Variants in TNS1 observed in about 807,000 individuals in gnomAD.
The protein encoded by TNS1 is tensin-1.
In TNS1, 62 loss-of-function variants were observed where a neutral mutation model predicts 168.6. The ratio of observed to expected loss-of-function variants is 0.37; its 90% CI spans 0.30 to 0.45. The LOEUF is 0.45. Ranked by LOEUF, TNS1 falls within the 20% of genes least tolerant of loss-of-function variation. The probability of loss-of-function intolerance (pLI) is 1.00; values close to 1 mark genes in which losing one functional copy is unlikely to be tolerated. For missense variants in TNS1, 2,240 were observed against 2,339.4 expected, an observed-to-expected ratio of 0.96 and a Z score of 0.88; for synonymous variants, 934 against 933.2, an observed-to-expected ratio of 1.00 and a Z score of -0.02.
intron 6 of TNS1, chr2:217,905,409 C>A (rs1409470623): frequency 2.2e-6 from 1 of 444,866 alleles, no homozygotes; most frequent in Non-Finnish European, 4.5e-6. Flanking sequence ...TGCAGGGCTG[C>A]CCCAGGGCAA....
intron 18 of TNS1, among the ~76,000 whole-genome samples, chr2:217,878,768 C>A (rs865898710): frequency 6.6e-6 from 1 of 152,202 alleles, no homozygotes; most frequent in Non-Finnish European, 1.5e-5. Context: ...AAGGACAGTA[C>A]CTTGTCAAAG....
chr2:217,849,605 T>C, intron 18 of TNS1: 4 of 969,752 alleles, frequency 4.1e-6, no homozygotes, highest in South Asian at 4.8e-5. Flanking sequence ...ATTATGAGTA[T>C]CATTAATTCC....
intron 2 of TNS1, among the ~76,000 whole-genome samples, chr2:217,980,358 T>C (rs996397221): frequency 2.0e-5 from 3 of 151,948 alleles, no homozygotes; most frequent in Non-Finnish European, 2.9e-5. Context: ...GGGTAGCAAC[T>C]CCCTCACTTC....
intron 1 of TNS1, among the ~76,000 whole-genome samples, chr2:218,019,778 T>C (rs1958791834): frequency 6.6e-6 from 1 of 152,196 alleles, no homozygotes; most frequent in African/African-American, 2.4e-5. Context: ...TGTCCTGTTC[T>C]CTGACTTCAC....
At position 217,948,381 on chromosome 2, in the gene TNS1, G is replaced by A. The variant is rs1042426680; in HGVS notation, c.187-28145C>T. On this transcript the variant is annotated intron_variant, in intron 3 of 32. Coordinates refer to ENST00000682258, the MANE Select transcript of TNS1 (RefSeq NM_001387777.1). The surrounding 1 kb of genome is among the most constrained non-coding windows in gnomAD (Gnocchi z 4.1). ...AGGTCCCAAGGGGAGAGGCCACTGGGGCACCGCTCTGCTTCCTTCCCAAGA... is the reference window on the plus strand; with the variant it reads ...AGGTCCCAAGGGGAGAGGCCACTGGAGCACCGCTCTGCTTCCTTCCCAAGA... 7.2e-5 allele frequency among the ~76,000 whole-genome samples: 11 copies of A among 152,170 alleles called. No individual in the cohort carries two copies. The highest frequency in any genetic ancestry group is 1.2e-4 in the Non-Finnish European group (8 of 68,022).
At chr2:217,893,149 G>T in intron 10 of TNS1, 137 bp from the exon 11 acceptor site, 1 of 1,104,674 alleles carries the variant, frequency 9.1e-7, no homozygotes, top group Non-Finnish European at 1.3e-6. Flanking sequence ...TAAGGAGGAA[G>T]GGGGCCTCAG....
chr2:217,809,247 G>A (rs1401063458), intron 30 of TNS1, among the ~76,000 whole-genome samples: 18 of 70,148 alleles, frequency 2.6e-4, no homozygotes, highest in African/African-American at 4.2e-4. Context: ...ATGGATGGAT[G>A]GATGCATGGA....
At chr2:217,873,356 G>A (rs995143750) in intron 18 of TNS1, among the ~76,000 whole-genome samples, 5 of 151,994 alleles carry the variant, frequency 3.3e-5, no homozygotes, top group Non-Finnish European at 7.4e-5. Context: ...GGTGTTTGGT[G>A]GCAGGTCCCA....
At chr2:217,989,768 CTCCCAG>C (rs1048361015) in intron 2 of TNS1, among the ~76,000 whole-genome samples, 3 of 152,092 alleles carry the variant, frequency 2.0e-5, no homozygotes, top group Non-Finnish European at 4.4e-5. Context: ...CTTTGCAGAA[CTCCCAG>C]TGCCAAGCAC....
In TNS1 at chr2:217,858,473, C is replaced by T. The variant is rs752926570; in HGVS notation, c.1430-9386G>A. On this transcript the variant is annotated intron_variant, in intron 18 of 32. Coordinates refer to ENST00000682258, the MANE Select transcript of TNS1 (RefSeq NM_001387777.1). ...ACAAGAACACTCACAGGCAAAACAA[C>T]TGCCCAGCAGACACTTACCCTCTGG... is the stretch of plus-strand genomic sequence containing the variant. The T allele has an allele frequency of 6.1e-6, 6 of 976,100 alleles. No individual in the cohort carries two copies. The South Asian group carries it at 2.8e-4, about 46-fold the overall frequency. 60.5% of individuals were successfully genotyped at this position (976,100 alleles called of 1,614,324 possible).
chr2:218,020,377 G>A (rs535330996), intron 1 of TNS1, among the ~76,000 whole-genome samples: 90 of 152,008 alleles, frequency 5.9e-4, no homozygotes, highest in Non-Finnish European at 1.0e-3. Flanking sequence ...TTGCAGTCCC[G>A]TCCCTAGGAT....
chr2:217,964,005 C>T (rs2126010252), intron 3 of TNS1, among the ~76,000 whole-genome samples: 1 of 152,286 alleles, frequency 6.6e-6, no homozygotes, highest in Admixed American at 6.5e-5. Flanking sequence ...CAACCTTCCT[C>T]CCCACAACGT....
intron 12 of TNS1, among the ~76,000 whole-genome samples, chr2:217,888,907 C>T (rs1189368509): frequency 1.3e-5 from 2 of 152,174 alleles, no homozygotes; most frequent in Non-Finnish European, 2.9e-5. Flanking sequence ...GACACTGATC[C>T]CTGGTCTTCA....
intron 19 of TNS1, 34 bp from the exon 20 acceptor site, chr2:217,836,245 C>A: frequency 1.9e-6 from 3 of 1,573,364 alleles, no homozygotes; most frequent in South Asian, 1.1e-5. Flanking sequence ...GGACAATGAG[C>A]ATTTTTGTGT....
Position 217,993,360 on chromosome 2 carries a change from T to A in TNS1, c.34-2304A>T, listed in dbSNP as rs373232302. ...TTACAAAGAAGAAGAAAGTAACTTTTCCTGGCTTCCTCCACTTTAATCAAG... is the reference window on the plus strand; with the variant it reads ...TTACAAAGAAGAAGAAAGTAACTTTACCTGGCTTCCTCCACTTTAATCAAG... On this transcript the variant is annotated intron_variant, in intron 1 of 32. Transcript: ENST00000682258. Among the ~76,000 whole-genome samples the A allele has an allele frequency of 2.6e-5, 4 of 152,338 alleles. No homozygotes were observed. In the East Asian group the frequency reaches 7.7e-4, roughly 29 times the overall value.
At chr2:218,024,123 A>C (rs957859853) in intron 1 of TNS1, among the ~76,000 whole-genome samples, 3 of 152,150 alleles carry the variant, frequency 2.0e-5, no homozygotes, top group Non-Finnish European at 4.4e-5. Flanking sequence ...TGAAGATCGG[A>C]GTCACTAAGC....
intron 1 of TNS1, among the ~76,000 whole-genome samples, chr2:217,997,868 G>A (rs1958499503): frequency 6.6e-6 from 1 of 152,244 alleles, no homozygotes; most frequent in African/African-American, 2.4e-5. Context: ...AGACGTGTCA[G>A]ACACACATCT....
chr2:217,956,072 T>C (rs1223345522), intron 3 of TNS1, among the ~76,000 whole-genome samples: 2 of 152,070 alleles, frequency 1.3e-5, no homozygotes, highest in Non-Finnish European at 2.9e-5. Context: ...CTGGAGGAAA[T>C]GGGAGCTGTG....
chr2:217,923,873 C>T (rs1468299513), intron 3 of TNS1, among the ~76,000 whole-genome samples: 1 of 152,188 alleles, frequency 6.6e-6, no homozygotes, highest in African/African-American at 2.4e-5. Context: ...CCTCCCAGAC[C>T]AGGGCTGATG....
Sources: gnomAD v4.1 joint callset for allele counts (sites outside exome capture counted in the v4.1 genomes callset) on GRCh38, gnomAD v4.1.1 for gene constraint, Gnocchi (gnomAD v3.1) non-coding constraint, MANE v1.5 for transcripts, NCBI Gene and HGNC (gene_info 2026-07-23, HGNC 2026-07-21) for gene names.